The following HYDIN variants were observed in gnomAD, a reference collection of about 807,000 sequenced individuals.
The protein encoded by HYDIN is HYDIN axonemal central pair apparatus protein.
A neutral mutation model predicts 403.9 loss-of-function variants in HYDIN; 132 were observed. The observed-to-expected ratio is 0.33, with a 90% CI of 0.28 to 0.38. The LOEUF is 0.38. Among genes scored for constraint, HYDIN ranks in the 10% least tolerant of loss-of-function variants. HYDIN has a pLI of 1.00. For synonymous variants in HYDIN, 1,202 were observed against 1,891.7 expected (o/e 0.64, Z 9.46); for missense variants, 2,827 against 5,009.5 (o/e 0.56, Z 13.15).
intron 76 of HYDIN, among the ~76,000 whole-genome samples, chr16:70,838,666 A>G (rs1157519674): frequency 6.6e-6 from 1 of 152,074 alleles, no homozygotes; most frequent in Non-Finnish European, 1.5e-5. Flanking sequence ...TACCCAAATG[A>G]TCTCTGAAGA....
At chr16:71,024,868 TCA>T (rs2080635519) in intron 21 of HYDIN, among the ~76,000 whole-genome samples, 1 of 152,100 alleles carries the variant, frequency 6.6e-6, no homozygotes, top group South Asian at 2.1e-4. Flanking sequence ...AACCTGTATC[TCA>T]GTTTCCTCGT....
chr16:71,010,128 A>AG (rs1180759237), intron 23 of HYDIN, among the ~76,000 whole-genome samples: 4 of 137,228 alleles, frequency 2.9e-5, no homozygotes, highest in Non-Finnish European at 6.2e-5. Flanking sequence ...AAGGGGGCTG[A>AG]GGGGGCAGAA....
intron 10 of HYDIN, among the ~76,000 whole-genome samples, chr16:71,101,428 G>A (rs74027603): frequency 9.9e-4 from 121 of 122,692 alleles, no homozygotes; most frequent in African/African-American, 3.6e-3. Context: ...ACTAGGAGAA[G>A]ATATTTGCAG....
intron 18 of HYDIN, among the ~76,000 whole-genome samples, chr16:71,049,127 T>C (rs1439470833): frequency 2.6e-5 from 4 of 152,300 alleles, no homozygotes; most frequent in Middle Eastern, 3.4e-3. Flanking sequence ...ACAGAAACAA[T>C]AGAGAGGCCC....
intron 13 of HYDIN, among the ~76,000 whole-genome samples, chr16:71,079,626 A>C (rs538980697): frequency 6.6e-6 from 1 of 151,522 alleles, no homozygotes; most frequent in Non-Finnish European, 1.5e-5. Flanking sequence ...TTACATTAAC[A>C]TTTCAGAGCT....
intron 13 of HYDIN, among the ~76,000 whole-genome samples, chr16:71,071,766 T>A (rs1339004325): frequency 6.6e-6 from 1 of 152,216 alleles, no homozygotes; most frequent in African/African-American, 2.4e-5. Context: ...ATTTGGAACA[T>A]GACGTCTCTA....
At chr16:71,196,350 A>T (rs2087697425) in intron 1 of HYDIN, among the ~76,000 whole-genome samples, 2 of 152,168 alleles carry the variant, frequency 1.3e-5, no homozygotes, top group Non-Finnish European at 2.9e-5. Context: ...CAATTAACTG[A>T]GTGCCTCAAT....
intron 21 of HYDIN, among the ~76,000 whole-genome samples, chr16:71,021,938 C>T (rs976677447): frequency 2.0e-5 from 3 of 152,012 alleles, no homozygotes; most frequent in Non-Finnish European, 2.9e-5. Flanking sequence ...TGGTTGTACT[C>T]TATGAGTCTC....
Position 71,058,361 on chromosome 16 carries a change from C to T in HYDIN, c.2529+2143G>A, listed in dbSNP as rs1472288576. 1.4e-3 allele frequency among the ~76,000 whole-genome samples: 198 copies of T among 140,234 alleles called. 1 individual carries two copies. Among genetic ancestry groups the T allele is most frequent in the African/African-American group, 5.0e-3 (192 of 38,114 alleles). The allele number at this position is 140,234 out of a possible 152,430, so 92.0% of individuals were successfully genotyped here. On this transcript the variant is annotated intron_variant, in intron 18 of 85. Coordinates refer to ENST00000393567, the MANE Select transcript of HYDIN (RefSeq NM_001270974.2). ...CGCAAGAACAAAAAACCAAACAGCA[C>T]ATATTCTCACTCATAGGTGGGAATT...
chr16:71,137,343 A>G lies in HYDIN; in HGVS notation c.851T>C (p.Val284Ala). The G allele has an allele frequency of 1.7e-6, 1 of 592,794 alleles. No individual in the cohort carries two copies. Among genetic ancestry groups the G allele is most frequent in the South Asian group, 2.0e-5 (1 of 49,186 alleles). The allele number at this position is 592,794 out of a possible 1,614,324, so 36.7% of individuals were successfully genotyped here. A position where few individuals can be genotyped will look rare whatever the true frequency, so the allele number is the denominator to read the frequency against. The change falls in exon 8 of 86, where the codon GTG becomes GCG. Residue 284 changes from valine (V) to alanine (A), a missense_variant. Physicochemically the swap from Val to Ala is moderately conservative, Grantham distance 64. Transcript: ENST00000393567. The stretch of plus-strand genomic sequence containing the variant: ...GGCAGCTCCATAGAGAGATACAAAC[A>G]CCTTTTCACCTAGGAATTAACAAAG... ...LIVCYDTGEK[V>A]FVSLYGAAID... is the part of the protein sequence containing the mutation.
chr16:70,898,247 C>T (rs1422036564), intron 53 of HYDIN, among the ~76,000 whole-genome samples: 1 of 151,604 alleles, frequency 6.6e-6, no homozygotes, highest in African/African-American at 2.4e-5. Flanking sequence ...GATGACCTCT[C>T]CAATATCCCC....
intron 84 of HYDIN, chr16:70,811,545 C>T (rs1159868138): frequency 2.0e-5 from 3 of 149,746 alleles, no homozygotes; most frequent in Admixed American, 6.7e-5. Flanking sequence ...ATAATTTTAC[C>T]ACAATTTAAA....
At chr16:71,104,186 AT>A (rs2083543092) in intron 10 of HYDIN, among the ~76,000 whole-genome samples, 1 of 151,818 alleles carries the variant, frequency 6.6e-6, no homozygotes, top group South Asian at 2.1e-4. Context: ...TAAAACATAT[AT>A]AAAACCCAAG....
At chr16:71,221,098 A>T (rs928885103) in intron 1 of HYDIN, among the ~76,000 whole-genome samples, 3 of 152,066 alleles carry the variant, frequency 2.0e-5, no homozygotes, top group Non-Finnish European at 2.9e-5. Flanking sequence ...GGAAAGGTCA[A>T]CACCCAGGAC....
intron 75 of HYDIN, among the ~76,000 whole-genome samples, chr16:70,842,604 T>C (rs1312270826): frequency 6.6e-6 from 1 of 151,932 alleles, no homozygotes; most frequent in Non-Finnish European, 1.5e-5. Flanking sequence ...TTAAATCTAT[T>C]TGTGTCTTTG....
intron 45 of HYDIN, among the ~76,000 whole-genome samples, chr16:70,928,539 C>A (rs1418037879): frequency 2.0e-5 from 3 of 149,548 alleles, no homozygotes; most frequent in Admixed American, 1.3e-4. Context: ...ACTCTTGCAT[C>A]TTCAACAGAA....
intron 10 of HYDIN, among the ~76,000 whole-genome samples, chr16:71,111,740 G>C (rs1035723849): frequency 5.3e-5 from 8 of 151,246 alleles, no homozygotes; most frequent in Non-Finnish European, 8.8e-5. Flanking sequence ...GCATAGACTT[G>C]AATTAAATTT....
intron 2 of HYDIN, among the ~76,000 whole-genome samples, chr16:71,185,905 C>T (rs2087125240): frequency 6.6e-6 from 1 of 152,218 alleles, no homozygotes; most frequent in East Asian, 1.9e-4. Flanking sequence ...TATTTTTCTA[C>T]AAATTTTATT....
chr16:70,964,703 G>A (rs771040334), intron 37 of HYDIN, 25 bp downstream of exon 37: 1 of 1,612,228 alleles, frequency 6.2e-7, no homozygotes, highest in South Asian at 1.1e-5. Flanking sequence ...GTTAGCATGA[G>A]GTGTTCTCCA....
Sources: gnomAD v4.1 joint callset for allele counts (sites outside exome capture counted in the v4.1 genomes callset) on GRCh38, gnomAD v4.1.1 for gene constraint, MANE v1.5 for transcripts, NCBI Gene and HGNC (gene_info 2026-07-23, HGNC 2026-07-21) for gene names.